The following PSMD1 variants were observed in gnomAD, a reference collection of about 807,000 sequenced individuals.
PSMD1 encodes the protein 26S proteasome non-ATPase regulatory subunit 1.
Under a neutral mutation model 119.0 loss-of-function variants are expected in PSMD1, and 18 were observed. That is an observed-to-expected ratio of 0.15 (90% CI 0.10 to 0.22). The LOEUF (loss-of-function observed/expected upper bound fraction) is 0.22, where lower values mean the gene tolerates loss of function less well. PSMD1 is among the 10% of genes least tolerant of loss of function. The pLI is 1.00. For synonymous variants in PSMD1, 374 were observed against 396.6 expected (o/e 0.94, Z 0.68); for missense variants, 702 against 1,158.5 (o/e 0.61, Z 5.72).
intron 19 of PSMD1, among the ~76,000 whole-genome samples, chr2:231,159,635 C>G (rs1184541783): frequency 4.6e-5 from 7 of 152,160 alleles, no homozygotes; most frequent in Non-Finnish European, 8.8e-5. Flanking sequence ...TCATAGCCTC[C>G]TAGAATCTCA....
intron 16 of PSMD1, among the ~76,000 whole-genome samples, chr2:231,100,840 C>T (rs184634770): frequency 1.2e-3 from 187 of 152,290 alleles, no homozygotes; most frequent in East Asian, 1.5e-3. Context: ...ACAATCCCCT[C>T]GAACTTGGAA....
Position 231,108,903 on chromosome 2 carries a change from T to A in PSMD1, c.1883+21722T>A, listed in dbSNP as rs749809479. On this transcript the variant is annotated intron_variant, in intron 16 of 24. Transcript: ENST00000308696. Reference sequence around the variant, plus strand: ...AGGAGCATTTGGAGAGTAGTTTGGTTACAGGAATCACATAAAACTAAAGTT... The same window carrying A: ...AGGAGCATTTGGAGAGTAGTTTGGTAACAGGAATCACATAAAACTAAAGTT... 4 of 1,614,138 alleles carry A rather than the reference T, an allele frequency of 2.5e-6. No homozygotes were observed. The Admixed American group carries it at 6.7e-5, about 27-fold the overall frequency.
At chr2:231,124,860 A>G (rs1456666508) in intron 16 of PSMD1, 1 of 151,948 alleles carries the variant, frequency 6.6e-6, no homozygotes, top group Non-Finnish European at 1.5e-5. Flanking sequence ...TAAATTTTTC[A>G]TTTTGATTTT....
intron 4 of PSMD1, among the ~76,000 whole-genome samples, chr2:231,063,968 T>A (rs556135591): frequency 3.6e-4 from 55 of 152,308 alleles, no homozygotes; most frequent in African/African-American, 1.3e-3. Flanking sequence ...GCCAGCCTTT[T>A]TTTTTTCTTT....
intron 16 of PSMD1, chr2:231,113,723 A>G (rs1695235572): frequency 1.9e-6 from 3 of 1,611,414 alleles, no homozygotes; most frequent in Non-Finnish European, 2.5e-6. Flanking sequence ...GGCATTCTCT[A>G]CATACCTATT....
chr2:231,083,555 G>C lies in PSMD1; in HGVS notation c.1526-12G>C. On this transcript the variant is annotated splice_polypyrimidine_tract_variant and intron_variant, in intron 13 of 24. Transcript: ENST00000308696. ...ATAACTCTCTGTTAACATTTTACTC[G>C]TTACTTGCCAGGGGAAGCAGCTGGC... The C allele has an allele frequency of 6.2e-7, 1 of 1,613,936 alleles. No homozygotes were observed. The highest frequency in any genetic ancestry group is 8.5e-7 in the Non-Finnish European group (1 of 1,179,884).
At chr2:231,165,411 A>G in intron 22 of PSMD1, 125 bp downstream of exon 22, 1 of 1,184,266 alleles carries the variant, frequency 8.4e-7, no homozygotes, top group South Asian at 2.1e-5. Context: ...TCCTGTTGCC[A>G]GCATGTAGAA....
chr2:231,062,121 T>C (rs1401075180), intron 2 of PSMD1, 127 bp from the exon 3 acceptor site: 5 of 600,120 alleles, frequency 8.3e-6, no homozygotes, highest in African/African-American at 7.4e-5. Flanking sequence ...AATTTTTATA[T>C]TTGTCATAGA....
At chr2:231,092,199 G>T (rs1694613453) in intron 16 of PSMD1, among the ~76,000 whole-genome samples, 1 of 152,094 alleles carries the variant, frequency 6.6e-6, no homozygotes, top group Non-Finnish European at 1.5e-5. Flanking sequence ...AAGAGCAGAG[G>T]AACCTTGCCA....
In PSMD1 at chr2:231,079,004, A is replaced by G. The variant is rs1032358911; in HGVS notation, c.1160+257A>G. Among the ~76,000 whole-genome samples, 67 of 152,204 alleles carry G rather than the reference A, an allele frequency of 4.4e-4. 1 individual carries two copies. Among genetic ancestry groups the G allele is most frequent in the African/African-American group, 1.5e-3 (64 of 41,560 alleles). ...GAGACAGGCTTTTGCCATGTTGGCC[A>G]GGCTGGTCTTGAACTCCTGACTTCA... On this transcript the variant is annotated intron_variant, in intron 10 of 24. Coordinates refer to ENST00000308696, the MANE Select transcript of PSMD1 (RefSeq NM_002807.4).
intron 2 of PSMD1, among the ~76,000 whole-genome samples, chr2:231,061,798 G>C (rs1349824790): frequency 6.6e-6 from 1 of 152,094 alleles, no homozygotes; most frequent in Non-Finnish European, 1.5e-5. Flanking sequence ...TCCTGCTCCT[G>C]GGCTCAAGTG....
chr2:231,139,196 G>C (rs1305258117), intron 17 of PSMD1: 1 of 359,772 alleles, frequency 2.8e-6, no homozygotes, highest in Non-Finnish European at 5.4e-6. Context: ...CAGTGGCGCA[G>C]TCTCACCATG....
chr2:231,146,116 G>T (rs1158489730), intron 17 of PSMD1, 124 bp from the exon 18 acceptor site: 1 of 637,348 alleles, frequency 1.6e-6, no homozygotes. Flanking sequence ...ATTATAATGG[G>T]ACTACCATCA....
chr2:231,087,276 C>A, intron 16 of PSMD1, 95 bp downstream of exon 16: 2 of 1,005,644 alleles, frequency 2.0e-6, no homozygotes, highest in Non-Finnish European at 1.5e-6. Flanking sequence ...AGTCACTAAA[C>A]AAAAACTAAA....
chr2:231,108,655 C>A (rs1695041383), intron 16 of PSMD1: 1 of 1,614,058 alleles, frequency 6.2e-7, no homozygotes. Context: ...CAGGGTTAAT[C>A]CCATTTCGAA....
Position 231,065,475 on chromosome 2 carries a change from A to G in PSMD1, c.305-1431A>G, listed in dbSNP as rs1437554252. Among the ~76,000 whole-genome samples, 3 of 97,798 alleles carry G rather than the reference A, an allele frequency of 3.1e-5. 1 individual carries two copies. In the East Asian group the frequency reaches 1.0e-3, roughly 34 times the overall value. The allele number at this position is 97,798 out of a possible 152,430, so 64.2% of individuals were successfully genotyped here. ...ACCCGGCTAATTTTTTTTTTTTTGT[A>G]TTTTTAGTAGAGACGGGGTTTCACC... On this transcript the variant is annotated intron_variant, in intron 4 of 24. Coordinates refer to ENST00000308696, the MANE Select transcript of PSMD1 (RefSeq NM_002807.4).
Position 231,077,084 on chromosome 2 carries a change from T to C in PSMD1, c.993T>C (p.Gly331=). 6.2e-7 allele frequency: 1 copy of C among 1,606,712 alleles called. No individual in the cohort carries two copies. The highest frequency in any genetic ancestry group is 8.5e-7 in the Non-Finnish European group (1 of 1,175,532). ...QTLKMIKILS[G]EMAIELHLQF... ...TGAAAATGATTAAAATTTTAAGTGG[T>C]GAAATGGCTATTGAGTTACATCTGC... is the stretch of plus-strand genomic sequence containing the variant. Residue 331 remains glycine (G), a synonymous_variant, in exon 9 of 25, where the codon GGT becomes GGC. Transcript: ENST00000308696.
intron 17 of PSMD1, 47 bp downstream of exon 17, chr2:231,138,897 GT>G (rs777017007): frequency 2.9e-6 from 4 of 1,381,808 alleles, no homozygotes; most frequent in South Asian, 2.3e-5. Context: ...GCGCCAGACT[GT>G]TTTCCCTCGC....
chr2:231,141,494 A>G (rs1408654694), intron 17 of PSMD1, among the ~76,000 whole-genome samples: 4 of 145,220 alleles, frequency 2.8e-5, no homozygotes, highest in South Asian at 2.2e-4. Flanking sequence ...CAATGGGGCT[A>G]TGATAGCTCA....
Sources: allele counts gnomAD v4.1 joint callset (sites outside exome capture counted in the v4.1 genomes callset), GRCh38; gene constraint gnomAD v4.1.1; transcripts MANE v1.5; gene names NCBI Gene and HGNC (gene_info 2026-07-23, HGNC 2026-07-21).